Variants in KDM4A observed in about 807,000 individuals in gnomAD.
KDM4A encodes lysine demethylase 4A.
Under a neutral mutation model 127.1 loss-of-function variants are expected in KDM4A, and 23 were observed. That is an observed-to-expected ratio of 0.18 (90% CI 0.13 to 0.26). The LOEUF is 0.26. KDM4A is among the 10% of genes least tolerant of loss of function. The probability of loss-of-function intolerance (pLI) is 1.00; values close to 1 mark genes in which losing one functional copy is unlikely to be tolerated. For synonymous variants in KDM4A, 443 were observed against 466.5 expected, an observed-to-expected ratio of 0.95 and a Z score of 0.65; for missense variants, 890 against 1,329.1, an observed-to-expected ratio of 0.67 and a Z score of 5.14.
At chr1:43,697,191 G>A (rs1413373407) in intron 18 of KDM4A, among the ~76,000 whole-genome samples, 1 of 152,240 alleles carries the variant, frequency 6.6e-6, no homozygotes, top group Non-Finnish European at 1.5e-5. Context: ...GGAACAGCAA[G>A]GGGGGCCAGC....
rs1336174944 is a variant in KDM4A, at chr1:43,662,923, G to A, written c.459G>A (p.Leu153=). Residue 153 remains leucine (L), a synonymous_variant, in exon 5 of 22, where the codon CTG becomes CTA. Transcript: ENST00000372396. The stretch of plus-strand genomic sequence containing the variant: ...TTGATGAGTGGAATATTGGCCGGCT[G>A]AGAACAATCCTGGACTTGGTGGAAA... ...KHVDEWNIGR[L]RTILDLVEKE... is the part of the protein sequence containing the mutation. 1 of 1,613,594 alleles carries A rather than the reference G, an allele frequency of 6.2e-7. No homozygotes were observed. The highest frequency in any genetic ancestry group is 1.7e-5 in the Admixed American group (1 of 59,962).
chr1:43,658,326 C>T (rs1429136689), intron 3 of KDM4A, among the ~76,000 whole-genome samples: 5 of 152,086 alleles, frequency 3.3e-5, no homozygotes, highest in African/African-American at 1.2e-4. Context: ...CCTGCCTTGG[C>T]CTCCCAAATG....
At chr1:43,664,430 T>C (rs538564822) in intron 5 of KDM4A, among the ~76,000 whole-genome samples, 2 of 151,954 alleles carry the variant, frequency 1.3e-5, no homozygotes, top group Non-Finnish European at 2.9e-5. Flanking sequence ...CCAGGCGTGG[T>C]GTGTTTAGGG....
Position 43,688,732 on chromosome 1 carries a change from AG to A in KDM4A, c.1856-181del, listed in dbSNP as rs1364000135. On this transcript the variant is annotated intron_variant, in intron 12 of 21. Coordinates refer to ENST00000372396, the MANE Select transcript of KDM4A (RefSeq NM_014663.3). This position sits in a 1 kb window ranked among gnomAD's most constrained non-coding sequence, Gnocchi z 4.4. The stretch of plus-strand genomic sequence containing the variant: ...TGGCAGGACTCCCTACACATCATCA[AG>A]ATACTGAAGGAGTCTATTGACAGTT... Among the ~76,000 whole-genome samples the A allele has an allele frequency of 6.6e-6, 1 of 152,178 alleles. No homozygotes were observed. The highest frequency in any genetic ancestry group is 1.9e-4 in the East Asian group (1 of 5,190).
At chr1:43,699,562 G>C (rs1661332093) in intron 19 of KDM4A, among the ~76,000 whole-genome samples, 1 of 152,146 alleles carries the variant, frequency 6.6e-6, no homozygotes, top group Non-Finnish European at 1.5e-5. Flanking sequence ...AGACCCCAAA[G>C]AGCCTGTGTT....
chr1:43,700,594 A>G (rs777812574), intron 19 of KDM4A, among the ~76,000 whole-genome samples: 54 of 152,108 alleles, frequency 3.6e-4, no homozygotes, highest in Non-Finnish European at 6.8e-4. Context: ...ACAGGCATGC[A>G]TGGCTATTTG....
At chr1:43,666,234 A>G in intron 6 of KDM4A, 2 of 515,262 alleles carry the variant, frequency 3.9e-6, no homozygotes, top group Admixed American at 3.7e-5. Context: ...GGTTTCCCAA[A>G]CAGGATTTCA....
intron 14 of KDM4A, 129 bp from the exon 15 acceptor site, chr1:43,691,367 A>G (rs1340089414): frequency 1.2e-6 from 1 of 842,808 alleles, no homozygotes. Flanking sequence ...GACTCAGACT[A>G]AAGAAAACTA....
At chr1:43,651,901 G>C (rs1039015017) in intron 1 of KDM4A, among the ~76,000 whole-genome samples, 1 of 152,118 alleles carries the variant, frequency 6.6e-6, no homozygotes, top group East Asian at 1.9e-4. Context: ...TTGAGTTCTG[G>C]GTACAGTGCA....
Position 43,688,346 on chromosome 1 carries a change from C to G in KDM4A, c.1856-568C>G, listed in dbSNP as rs1661035947. The stretch of plus-strand genomic sequence containing the variant: ...TTCATCTTGGACATGTAGCTCTGCT[C>G]TAGGAGGGGTTGGGGAGCCTTGTCC... On this transcript the variant is annotated intron_variant, in intron 12 of 21. Coordinates refer to ENST00000372396, the MANE Select transcript of KDM4A (RefSeq NM_014663.3). This position sits in a 1 kb window ranked among gnomAD's most constrained non-coding sequence, Gnocchi z 4.4. 6.6e-6 allele frequency among the ~76,000 whole-genome samples: 1 copy of G among 152,144 alleles called. No individual in the cohort carries two copies. The highest frequency in any genetic ancestry group is 2.1e-4 in the South Asian group (1 of 4,830).
At chr1:43,686,920 C>T (rs149098822) in intron 12 of KDM4A, among the ~76,000 whole-genome samples, 18 of 152,236 alleles carry the variant, frequency 1.2e-4, no homozygotes, top group African/African-American at 3.9e-4. Flanking sequence ...TTTCACTTAA[C>T]GTAGTGAACA....
chr1:43,699,214 G>C (rs1232290171), intron 19 of KDM4A, among the ~76,000 whole-genome samples: 2 of 151,570 alleles, frequency 1.3e-5, no homozygotes, highest in African/African-American at 4.9e-5. Flanking sequence ...TCCTGCTTCA[G>C]CTTCCCAGGT....
At position 43,669,284 on chromosome 1, in the gene KDM4A, G is replaced by C; in HGVS notation, c.1348G>C (p.Gly450Arg). Residue 450 changes from glycine to arginine, a missense_variant, in exon 10 of 22, where the codon GGT (glycine) becomes CGT (arginine). Transcript: ENST00000372396. ...THSSVRQVEDGLTFPDYSDST... is the reference protein window; with the variant it reads ...THSSVRQVEDRLTFPDYSDST... ...TAGCTCTGTGCGGCAAGTTGAGGAT[G>C]GTCTTACCTTCCCAGGTTAGTTGAC... is the stretch of plus-strand genomic sequence containing the variant. 1.2e-6 allele frequency: 2 copies of C among 1,614,140 alleles called. No individual in the cohort carries two copies. The highest frequency in any genetic ancestry group is 2.2e-5 in the South Asian group (2 of 91,084).
intron 12 of KDM4A, among the ~76,000 whole-genome samples, chr1:43,686,325 C>T (rs1237681992): frequency 7.3e-6 from 1 of 136,148 alleles, no homozygotes; most frequent in East Asian, 2.3e-4. Flanking sequence ...CGTGAGCCAC[C>T]ACGCCCAGCC....
intron 11 of KDM4A, 140 bp from the exon 12 acceptor site, chr1:43,683,544 G>C: frequency 2.0e-6 from 2 of 990,716 alleles, no homozygotes; most frequent in Non-Finnish European, 2.9e-6. Context: ...CTTTTTCTAA[G>C]ATAGGTATTT....
At chr1:43,655,474 C>A in intron 2 of KDM4A, 117 bp from the exon 3 acceptor site, 1 of 883,826 alleles carries the variant, frequency 1.1e-6, no homozygotes. Flanking sequence ...GTGGGTAAAT[C>A]AAAGTAACTG....
At chr1:43,674,020 C>T (rs1281889164) in intron 11 of KDM4A, among the ~76,000 whole-genome samples, 1 of 152,236 alleles carries the variant, frequency 6.6e-6, no homozygotes, top group Non-Finnish European at 1.5e-5. Context: ...TGGCTCACTG[C>T]AACTTCTGCC....
intron 11 of KDM4A, among the ~76,000 whole-genome samples, chr1:43,676,453 T>C (rs1487883274): frequency 6.6e-6 from 1 of 152,284 alleles, no homozygotes; most frequent in African/African-American, 2.4e-5. Context: ...CCTGAGTAGC[T>C]GGGATTACAG....
chr1:43,694,646 A>G lies in KDM4A; in HGVS notation c.2485-63A>G. ...TGCTTGGCTTTGCATTTGGGAGGGG[A>G]ACAACAGAGGAAGCTGCAGTGCCAG... is the stretch of plus-strand genomic sequence containing the variant. On this transcript the variant is annotated intron_variant, in intron 17 of 21. Transcript: ENST00000372396. This position sits in a 1 kb window ranked among gnomAD's most constrained non-coding sequence, Gnocchi z 5.2. The G allele has an allele frequency of 6.9e-7, 1 of 1,449,258 alleles. No individual in the cohort carries two copies. The highest frequency in any genetic ancestry group is 1.2e-5 in the South Asian group (1 of 80,580). The allele number at this position is 1,449,258 out of a possible 1,614,324, so 89.8% of individuals were successfully genotyped here. A position where few individuals can be genotyped will look rare whatever the true frequency, so the allele number is the denominator to read the frequency against.
Sources: allele counts gnomAD v4.1 joint callset (sites outside exome capture counted in the v4.1 genomes callset), GRCh38; gene constraint gnomAD v4.1.1; non-coding constraint Gnocchi (gnomAD v3.1); transcripts MANE v1.5; gene names NCBI Gene and HGNC (gene_info 2026-07-23, HGNC 2026-07-21).